CXADR: variants seen among roughly 807,000 people sequenced by gnomAD.
The protein encoded by CXADR is coxsackievirus and adenovirus receptor.
In CXADR, 20 loss-of-function variants were observed where a neutral mutation model predicts 40.3. That is an observed-to-expected ratio of 0.50 (90% CI 0.35 to 0.72). The LOEUF (loss-of-function observed/expected upper bound fraction) is 0.72. CXADR is among the 30% of genes least tolerant of loss of function. CXADR has a pLI of 0.01. For synonymous variants in CXADR, 150 were observed against 161.3 expected (o/e 0.93, Z 0.53); for missense variants, 332 against 449.1 (o/e 0.74, Z 2.36).
intron 1 of CXADR, among the ~76,000 whole-genome samples, chr21:17,515,604 G>T (rs1306734471): frequency 1.3e-5 from 2 of 152,206 alleles, no homozygotes; most frequent in East Asian, 3.9e-4. Flanking sequence ...GAGGTTAGGA[G>T]ATCGAGACCA....
At chr21:17,521,138 G>A (rs1335145178) in intron 1 of CXADR, among the ~76,000 whole-genome samples, 3 of 152,146 alleles carry the variant, frequency 2.0e-5, no homozygotes, top group African/African-American at 7.2e-5. Flanking sequence ...ATAAGTACAT[G>A]AGGAAGCAGC....
downstream of CXADR, among the ~76,000 whole-genome samples, chr21:17,572,496 G>C (rs976878390): frequency 6.6e-6 from 1 of 152,172 alleles, no homozygotes; most frequent in Admixed American, 6.5e-5. Context: ...CTCAGTAGTA[G>C]CGAACACGGA....
intron 2 of CXADR, among the ~76,000 whole-genome samples, chr21:17,549,777 A>C (rs2060942384): frequency 6.6e-6 from 1 of 152,174 alleles, no homozygotes; most frequent in African/African-American, 2.4e-5. Context: ...ATAATGAGCT[A>C]TTGGAAGTAT....
chr21:17,577,612 C>CTTTTTTTTTTTTTTTTTTTTTTTTTTTT lies in CXADR; in HGVS notation c.1017+12002_1017+12029dup, dbSNP rs532541050. 1.4e-4 allele frequency among the ~76,000 whole-genome samples: 5 copies of CTTTTTTTTTTTTTTTTTTTTTTTTTTTT among 36,576 alleles called. 1 individual carries two copies. Among genetic ancestry groups the CTTTTTTTTTTTTTTTTTTTTTTTTTTTT allele is most frequent in the African/African-American group, 1.7e-4 (2 of 11,876 alleles). 24.0% of individuals were successfully genotyped at this position (36,576 alleles called of 152,430 possible). A position where few individuals can be genotyped will look rare whatever the true frequency, so the allele number is the denominator to read the frequency against. ...CTCACACGTCAGACCATTCTGCAAG[C>CTTTTTTTTTTTTTTTTTTTTTTTTTTTT]TTTTTTTTTTTTTTTTTTTTTTTTT... On this transcript the variant is annotated intron_variant, in intron 7 of 7. Coordinates refer to the CXADR transcript ENST00000400169.
chr21:17,605,034 G>A, the CXADR span: 3 of 1,600,684 alleles, frequency 1.9e-6, no homozygotes, highest in Non-Finnish European at 2.6e-6. Flanking sequence ...GGATTTAAAT[G>A]AATTTAATCA....
At chr21:17,556,232 T>C (rs945147132) in intron 3 of CXADR, among the ~76,000 whole-genome samples, 3 of 152,214 alleles carry the variant, frequency 2.0e-5, no homozygotes, top group Non-Finnish European at 4.4e-5. Flanking sequence ...CAGAGTACCA[T>C]GGGTTAAGAA....
intron 7 of CXADR, among the ~76,000 whole-genome samples, chr21:17,582,808 T>G (rs191754760): frequency 6.6e-6 from 1 of 152,366 alleles, no homozygotes; most frequent in Admixed American, 6.5e-5. Context: ...AAGTGAGTTA[T>G]CTTGCATTTG....
In CXADR at chr21:17,559,164, C is replaced by T. The variant is rs10482887; in HGVS notation, c.571+33C>T. 10,352 of 1,609,706 alleles carry T rather than the reference C, an allele frequency of 6.4e-3. 656 individuals are homozygous for T. In the East Asian group the frequency reaches 0.16, roughly 25 times the overall value. On this transcript the variant is annotated intron_variant, in intron 4 of 6. Transcript: ENST00000284878. ...TGATAATAGTATTTGTACCACATGC[C>T]ATTGATTTGGACTAAGATCTAGTAG...
intron 1 of CXADR, among the ~76,000 whole-genome samples, chr21:17,532,507 AG>A (rs35723820): frequency 0.48 from 72,549 of 151,930 alleles, 20,892 homozygotes; most frequent in Non-Finnish European, 0.63. Context: ...ATCCTGTTGC[AG>A]CTCCCCAAAA....
At chr21:17,584,482 A>G (rs1009354826) in intron 7 of CXADR, among the ~76,000 whole-genome samples, 5 of 152,178 alleles carry the variant, frequency 3.3e-5, no homozygotes, top group African/African-American at 1.2e-4. Flanking sequence ...ATGGTTCCTA[A>G]TGTATTTGGA....
intron 7 of CXADR, among the ~76,000 whole-genome samples, chr21:17,592,909 T>C (rs1217988963): frequency 6.6e-6 from 1 of 151,956 alleles, no homozygotes; most frequent in Non-Finnish European, 1.5e-5. Context: ...CCTTTATGAT[T>C]TGTGCAGTTT....
chr21:17,516,863 C>T (rs1295616516), intron 1 of CXADR, among the ~76,000 whole-genome samples: 1 of 152,024 alleles, frequency 6.6e-6, no homozygotes, highest in East Asian at 1.9e-4. Flanking sequence ...TGTTAATTCC[C>T]TGGATTTAAC....
At chr21:17,598,488 A>G (rs2061531770), downstream of CXADR, 1 of 739,682 alleles carries the variant, frequency 1.4e-6, no homozygotes, top group African/African-American at 1.8e-5. Flanking sequence ...TTCCCTTAGC[A>G]TGGGGAAAGG....
chr21:17,559,379 C>T (rs542635013), intron 4 of CXADR, among the ~76,000 whole-genome samples: 1 of 151,608 alleles, frequency 6.6e-6, no homozygotes, highest in Non-Finnish European at 1.5e-5. Flanking sequence ...GAGACAGGAT[C>T]TCCCTGCGTT....
Position 17,569,685 on chromosome 21 carries a change from T to C in CXADR, c.*3993T>C. ...AACCCCAGCCTCTTATTCATTATGG[T>C]TAACTTTTATAATTTATCTTATTTT... is the stretch of plus-strand genomic sequence containing the variant. On this transcript the variant is annotated 3_prime_UTR_variant, in exon 7 of 7. Coordinates refer to ENST00000284878, the MANE Select transcript of CXADR (RefSeq NM_001338.5). The C allele has an allele frequency of 1.0e-6, 1 of 969,318 alleles. No individual in the cohort carries two copies. The highest frequency in any genetic ancestry group is 4.8e-5 in the South Asian group (1 of 20,944). The allele number at this position is 969,318 out of a possible 1,614,324, so 60.0% of individuals were successfully genotyped here.
At chr21:17,588,227 G>A (rs1013714978) in intron 7 of CXADR, among the ~76,000 whole-genome samples, 1 of 152,016 alleles carries the variant, frequency 6.6e-6, no homozygotes, top group Non-Finnish European at 1.5e-5. Context: ...GCTCTTTTTT[G>A]GTTCCATATG....
At chr21:17,534,060 C>CTATATATACACATATATATAGCTA (rs1555864985) in intron 1 of CXADR, among the ~76,000 whole-genome samples, 1 of 47,144 alleles carries the variant, frequency 2.1e-5, no homozygotes, top group Non-Finnish European at 4.9e-5. Context: ...ATATATATAG[C>CTATATATACACATATATATAGCTA]TATATATATA....
chr21:17,575,675 A>G (rs2123365115), intron 7 of CXADR, among the ~76,000 whole-genome samples: 1 of 150,992 alleles, frequency 6.6e-6, no homozygotes, highest in South Asian at 2.1e-4. Context: ...TTATATTTTT[A>G]GTAGAGACAG....
intron 1 of CXADR, among the ~76,000 whole-genome samples, chr21:17,543,312 C>T (rs2824342): frequency 0.2 from 30,619 of 151,860 alleles, 3,180 homozygotes; most frequent in East Asian, 0.23. Context: ...ATGTATCAAA[C>T]GAGAAAGAAA....
Sources: gnomAD v4.1 joint callset for allele counts (sites outside exome capture counted in the v4.1 genomes callset) on GRCh38, gnomAD v4.1.1 for gene constraint, MANE v1.5 for transcripts, NCBI Gene and HGNC (gene_info 2026-07-23, HGNC 2026-07-21) for gene names.